The following ETV5 variants were observed in gnomAD, a reference collection of about 807,000 sequenced individuals.
ETV5 encodes ETS variant transcription factor 5.
A neutral mutation model predicts 70.0 loss-of-function variants in ETV5; 10 were observed. The ratio of observed to expected loss-of-function variants is 0.14; its 90% confidence interval spans 0.09 to 0.24. ETV5 has a LOEUF of 0.24. Ranked by LOEUF, ETV5 falls within the 10% of genes least tolerant of loss-of-function variation. The probability of loss-of-function intolerance (pLI) is 1.00; values close to 1 mark genes in which losing one functional copy is unlikely to be tolerated. For missense variants in ETV5, 453 were observed against 651.2 expected (o/e 0.70, Z 3.31); for synonymous variants, 216 against 242.2 (o/e 0.89, Z 1.01).
At chr3:186,095,713 T>G (rs1578559759) in intron 5 of ETV5, among the ~76,000 whole-genome samples, 1 of 152,228 alleles carries the variant, frequency 6.6e-6, no homozygotes, top group East Asian at 1.9e-4. Context: ...ACTTGGCTAG[T>G]GTATGTGTTT....
At chr3:186,084,992 C>T (rs1208876473) in intron 5 of ETV5, among the ~76,000 whole-genome samples, 1 of 152,208 alleles carries the variant, frequency 6.6e-6, no homozygotes, top group Non-Finnish European at 1.5e-5. Context: ...AGACCCCTTA[C>T]CATTTCCTTT....
chr3:186,095,905 G>A (rs891728611), intron 5 of ETV5, among the ~76,000 whole-genome samples: 1 of 152,160 alleles, frequency 6.6e-6, no homozygotes, highest in African/African-American at 2.4e-5. Context: ...GTGGTGTGCG[G>A]GCTGTATGCA....
chr3:186,103,438 C>T (rs749038590), intron 5 of ETV5, among the ~76,000 whole-genome samples: 34 of 152,310 alleles, frequency 2.2e-4, no homozygotes, highest in Non-Finnish European at 4.4e-4. Context: ...TCCCTTTTAA[C>T]TCTTTTGGGT....
intron 5 of ETV5, chr3:186,084,160 A>G (rs1713997767): frequency 4.6e-6 from 2 of 433,434 alleles, no homozygotes; most frequent in Non-Finnish European, 9.1e-6. Context: ...TTTCAAAAAT[A>G]GTATTTACCT....
rs1027169066 is a variant in ETV5, at chr3:186,052,399, T to C, written c.1210-268A>G. Among the ~76,000 whole-genome samples the C allele has an allele frequency of 2.6e-5, 4 of 152,228 alleles. No individual in the cohort carries two copies. Among genetic ancestry groups the C allele is most frequent in the African/African-American group, 9.6e-5 (4 of 41,460 alleles). ...AGGGCTTGGCTAACATCCCAGAGGA[T>C]GCAGGCCCTCTACTATTTCTCCACG... On this transcript the variant is annotated intron_variant, in intron 11 of 12. Coordinates refer to ENST00000306376, the MANE Select transcript of ETV5 (RefSeq NM_004454.3). The surrounding 1 kb of genome is among the most constrained non-coding windows in gnomAD (Gnocchi z 4.5).
At chr3:186,058,940 G>A (rs992414711) in intron 9 of ETV5, among the ~76,000 whole-genome samples, 1 of 151,438 alleles carries the variant, frequency 6.6e-6, no homozygotes, top group Admixed American at 6.6e-5. Flanking sequence ...TTGAATCCAG[G>A]AGGCGGAGGT....
chr3:186,057,321 C>T lies in ETV5; in HGVS notation c.1040-77G>A. The stretch of plus-strand genomic sequence containing the variant: ...GTGGTTGGGACAAAAAGGAGTTGTT[C>T]ATGCTGATTTAATCACTGGACTTGG... On this transcript the variant is annotated intron_variant, in intron 10 of 12. Coordinates refer to ENST00000306376, the MANE Select transcript of ETV5 (RefSeq NM_004454.3). The surrounding 1 kb of genome is among the most constrained non-coding windows in gnomAD (Gnocchi z 4.9). The T allele has an allele frequency of 6.2e-7, 1 of 1,607,296 alleles. No individual in the cohort carries two copies. Among genetic ancestry groups the T allele is most frequent in the Non-Finnish European group, 8.5e-7 (1 of 1,174,408 alleles).
At chr3:186,088,400 AG>A (rs1714106750) in intron 5 of ETV5, among the ~76,000 whole-genome samples, 1 of 152,200 alleles carries the variant, frequency 6.6e-6, no homozygotes, top group Non-Finnish European at 1.5e-5. Flanking sequence ...TACACTGCTC[AG>A]GGTTCCAGAG....
At chr3:186,073,684 A>T (rs1713701835) in intron 7 of ETV5, among the ~76,000 whole-genome samples, 1 of 152,248 alleles carries the variant, frequency 6.6e-6, no homozygotes, top group Admixed American at 6.5e-5. Flanking sequence ...AAATACTTGG[A>T]GCTGAATTTT....
At chr3:186,068,020 C>T (rs978941599) in intron 7 of ETV5, among the ~76,000 whole-genome samples, 1 of 152,168 alleles carries the variant, frequency 6.6e-6, no homozygotes, top group Admixed American at 6.6e-5. Context: ...AAGTTTAACT[C>T]ATTAGTAATT....
intron 5 of ETV5, among the ~76,000 whole-genome samples, chr3:186,084,961 C>T (rs1714023513): frequency 1.3e-5 from 2 of 152,138 alleles, no homozygotes; most frequent in Admixed American, 1.3e-4. Context: ...AGAAGGCAGA[C>T]CAAGAAAGAG....
At chr3:186,108,735 C>T (rs916898397) in intron 1 of ETV5, 1 of 1,023,232 alleles carries the variant, frequency 9.8e-7, no homozygotes, top group Non-Finnish European at 1.2e-6. Context: ...AACCGTTAGC[C>T]GCACCCGCCC....
intron 12 of ETV5, 41 bp downstream of exon 12, chr3:186,051,989 A>AAG: frequency 3.3e-5 from 52 of 1,599,730 alleles, no homozygotes; most frequent in Non-Finnish European, 4.3e-5. Context: ...TTTTCCTTAA[A>AAG]AGAGACCAGA....
At chr3:186,100,630 A>C (rs1714430205) in intron 5 of ETV5, among the ~76,000 whole-genome samples, 1 of 152,228 alleles carries the variant, frequency 6.6e-6, no homozygotes, top group South Asian at 2.1e-4. Flanking sequence ...CGATTTTATC[A>C]GTTAATTAGC....
rs1713195895 is a variant in ETV5 at position 186,057,542 on chromosome 3, G to A, written c.971-51C>T. 6.9e-7 allele frequency: 1 copy of A among 1,454,112 alleles called. No homozygotes were observed. The highest frequency in any genetic ancestry group is 1.1e-5 in the South Asian group (1 of 87,558). The allele number at this position is 1,454,112 out of a possible 1,614,324, so 90.1% of individuals were successfully genotyped here. A position where few individuals can be genotyped will look rare whatever the true frequency, so the allele number is the denominator to read the frequency against. ...TACGTTGCTTAACAAATTCTGTGTT[G>A]TACTAAAACTATGGATTTAAGGACT... is the stretch of plus-strand genomic sequence containing the variant. On this transcript the variant is annotated intron_variant, in intron 9 of 12. Transcript: ENST00000306376. This position sits in a 1 kb window ranked among gnomAD's most constrained non-coding sequence, Gnocchi z 4.9.
At chr3:186,087,323 G>A (rs963748363) in intron 5 of ETV5, among the ~76,000 whole-genome samples, 2 of 152,218 alleles carry the variant, frequency 1.3e-5, no homozygotes, top group African/African-American at 4.8e-5. Flanking sequence ...TTGAAAGTCA[G>A]GAGGGAGGTT....
intron 7 of ETV5, among the ~76,000 whole-genome samples, chr3:186,069,531 TAAAAAAAGACTTAAAAA>T (rs1713546992): frequency 6.9e-6 from 1 of 144,428 alleles, no homozygotes; most frequent in African/African-American, 2.6e-5. Context: ...AAAAAAAGTC[TAAAAAAAGACTTAAAAA>T]AAAGTCTTGC....
At chr3:186,098,107 C>A (rs1714355514) in intron 5 of ETV5, among the ~76,000 whole-genome samples, 1 of 152,230 alleles carries the variant, frequency 6.6e-6, no homozygotes, top group Admixed American at 6.5e-5. Context: ...GCTGTGCACC[C>A]TTCCTAGGAT....
intron 5 of ETV5, among the ~76,000 whole-genome samples, chr3:186,094,047 G>C (rs536846912): frequency 6.6e-6 from 1 of 152,352 alleles, no homozygotes; most frequent in East Asian, 1.9e-4. Flanking sequence ...CATGCCTTTG[G>C]TCATCAACTA....
Sources: gnomAD v4.1 joint callset for allele counts (sites outside exome capture counted in the v4.1 genomes callset) on GRCh38, gnomAD v4.1.1 for gene constraint, Gnocchi (gnomAD v3.1) non-coding constraint, MANE v1.5 for transcripts, NCBI Gene and HGNC (gene_info 2026-07-23, HGNC 2026-07-21) for gene names.